The following PSD3 variants were observed in gnomAD, a reference collection of about 807,000 sequenced individuals.
PSD3 encodes the protein pleckstrin and Sec7 domain containing 3, also known as PH and SEC7 domain-containing protein 3.
PSD3 carries 49 observed loss-of-function variants against 105.5 expected under a neutral mutation model. The ratio of observed to expected loss-of-function variants is 0.46; its 90% CI spans 0.37 to 0.59. The LOEUF is 0.59. PSD3 is among the 20% of genes least tolerant of loss of function. The pLI is 0.00. For missense variants in PSD3, 1,561 were observed against 1,263.8 expected, an observed-to-expected ratio of 1.24 and a Z score of -3.57; for synonymous variants, 557 against 457.8, an observed-to-expected ratio of 1.22 and a Z score of -2.77.
At chr8:18,904,237 CAG>C (rs952700844) in intron 2 of PSD3, among the ~76,000 whole-genome samples, 9 of 152,144 alleles carry the variant, frequency 5.9e-5, no homozygotes, top group African/African-American at 1.9e-4. Context: ...TATAAACTAA[CAG>C]AGTGAGAACT....
intron 9 of PSD3, among the ~76,000 whole-genome samples, chr8:18,668,058 G>C (rs1799581828): frequency 1.3e-5 from 2 of 152,206 alleles, no homozygotes; most frequent in South Asian, 4.1e-4. Flanking sequence ...TCCCGCCCAG[G>C]CCTCTCCCTG....
intron 4 of PSD3, among the ~76,000 whole-genome samples, chr8:18,843,310 G>A (rs577331420): frequency 2.8e-5 from 4 of 145,446 alleles, no homozygotes; most frequent in East Asian, 3.9e-4. Flanking sequence ...GCAGTGAGCC[G>A]AGATCGCACG....
chr8:18,830,231 C>A (rs1368029218), intron 4 of PSD3, among the ~76,000 whole-genome samples: 1 of 152,136 alleles, frequency 6.6e-6, no homozygotes, highest in African/African-American at 2.4e-5. Flanking sequence ...TGTGAGCCAC[C>A]GCACCCAGCC....
intron 4 of PSD3, among the ~76,000 whole-genome samples, chr8:18,812,889 C>G (rs1176625314): frequency 6.6e-6 from 1 of 152,110 alleles, no homozygotes; most frequent in Non-Finnish European, 1.5e-5. Flanking sequence ...AGTTACCCCT[C>G]TAACACACAG....
At chr8:18,878,972 T>A (rs1817908827) in intron 2 of PSD3, among the ~76,000 whole-genome samples, 1 of 151,674 alleles carries the variant, frequency 6.6e-6, no homozygotes, top group African/African-American at 2.4e-5. Flanking sequence ...AAGTTAAACT[T>A]AGACACTTGG....
chr8:18,965,871 C>T lies in PSD3; in HGVS notation c.22-29729G>A, dbSNP rs372070620. ...TGGACACATAACAGCAGCGTAAATGCCAGGCCTGAGTTAAGCTCCTGGTAA... is the reference window on the plus strand; with the variant it reads ...TGGACACATAACAGCAGCGTAAATGTCAGGCCTGAGTTAAGCTCCTGGTAA... On this transcript the variant is annotated intron_variant, in intron 1 of 15. Transcript: ENST00000327040. Among the ~76,000 whole-genome samples, 12 of 152,312 alleles carry T rather than the reference C, an allele frequency of 7.9e-5. No individual in the cohort carries two copies. In the East Asian group the frequency reaches 1.7e-3, roughly 22 times the overall value.
intron 15 of PSD3, among the ~76,000 whole-genome samples, chr8:18,543,270 T>A (rs1468354643): frequency 1.3e-5 from 2 of 152,142 alleles, no homozygotes; most frequent in Admixed American, 1.3e-4. Context: ...CTTATTACAT[T>A]TTTTTGCTGT....
intron 9 of PSD3, among the ~76,000 whole-genome samples, chr8:18,759,095 C>A: frequency 6.9e-6 from 1 of 145,330 alleles, no homozygotes. Context: ...CACACACACT[C>A]TCTCTCTCTC....
At chr8:18,977,195 G>T (rs1404290551) in intron 1 of PSD3, among the ~76,000 whole-genome samples, 1 of 149,494 alleles carries the variant, frequency 6.7e-6, no homozygotes, top group African/African-American at 2.5e-5. Context: ...AGAAGGCGGA[G>T]GTTGCAGTGA....
intron 4 of PSD3, among the ~76,000 whole-genome samples, chr8:18,858,581 A>G (rs187710429): frequency 6.6e-6 from 1 of 152,256 alleles, no homozygotes; most frequent in African/African-American, 2.4e-5. Flanking sequence ...GTTAAAGTCA[A>G]TCCTCTCAAA....
intron 9 of PSD3, among the ~76,000 whole-genome samples, chr8:18,662,428 C>T (rs1392189392): frequency 1.3e-5 from 2 of 152,132 alleles, no homozygotes; most frequent in African/African-American, 2.4e-5. Context: ...TTCCTACTTA[C>T]AATGTGTGAG....
chr8:18,757,870 G>A (rs115660837), intron 9 of PSD3, among the ~76,000 whole-genome samples: 184 of 152,192 alleles, frequency 1.2e-3, no homozygotes, highest in African/African-American at 4.3e-3. Flanking sequence ...TGAACTGTTG[G>A]TCATTACACT....
At chr8:18,956,534 G>A (rs1317356370) in intron 1 of PSD3, among the ~76,000 whole-genome samples, 1 of 152,186 alleles carries the variant, frequency 6.6e-6, no homozygotes, top group Non-Finnish European at 1.5e-5. Flanking sequence ...TTTAAGGAAA[G>A]GGGTGTGATG....
At chr8:18,791,691 G>A (rs1809731645) in intron 8 of PSD3, among the ~76,000 whole-genome samples, 5 of 152,084 alleles carry the variant, frequency 3.3e-5, no homozygotes, top group South Asian at 2.1e-4. Flanking sequence ...TGATTAAGAT[G>A]TCAAAAGCAA....
intron 11 of PSD3, among the ~76,000 whole-genome samples, chr8:18,628,599 G>A (rs1806665094): frequency 6.6e-6 from 1 of 151,874 alleles, no homozygotes; most frequent in African/African-American, 2.4e-5. Flanking sequence ...AAAGGTTTCT[G>A]CTTAAAGCAA....
intron 4 of PSD3, among the ~76,000 whole-genome samples, chr8:18,829,142 G>A (rs1480499061): frequency 1.3e-5 from 2 of 152,060 alleles, no homozygotes; most frequent in African/African-American, 4.8e-5. Flanking sequence ...AGCTCCTAAC[G>A]AGGCTGAGAC....
At chr8:19,056,228 C>T (rs1340518258) in intron 1 of PSD3, among the ~76,000 whole-genome samples, 1 of 152,020 alleles carries the variant, frequency 6.6e-6, no homozygotes, top group Non-Finnish European at 1.5e-5. Flanking sequence ...AAAAATAGTC[C>T]ACAAAAGAAA....
Position 18,530,909 on chromosome 8 carries a change from C to G in PSD3, c.*4834G>C, listed in dbSNP as rs1799607748. On this transcript the variant is annotated 3_prime_UTR_variant, in exon 16 of 16. Coordinates refer to ENST00000327040, the MANE Select transcript of PSD3 (RefSeq NM_015310.4). ...TAATAAAACAATACCACTATATATACTCTCAACAACTTCATTATATAATCA... is the reference window on the plus strand; with the variant it reads ...TAATAAAACAATACCACTATATATAGTCTCAACAACTTCATTATATAATCA... The G allele has an allele frequency of 6.6e-6, 1 of 152,140 alleles. No individual in the cohort carries two copies. 9.4% of individuals were successfully genotyped at this position (152,140 alleles called of 1,614,324 possible).
intron 10 of PSD3, among the ~76,000 whole-genome samples, chr8:18,642,426 A>G (rs931740897): frequency 1.3e-5 from 2 of 152,198 alleles, no homozygotes; most frequent in African/African-American, 2.4e-5. Context: ...ACACATTAAA[A>G]ATCATTCAGA....
Sources: gnomAD v4.1 joint callset for allele counts (sites outside exome capture counted in the v4.1 genomes callset) on GRCh38, gnomAD v4.1.1 for gene constraint, MANE v1.5 for transcripts, NCBI Gene and HGNC (gene_info 2026-07-23, HGNC 2026-07-21) for gene names.